SLC26A7: variants seen among roughly 807,000 people sequenced by gnomAD.
The protein encoded by SLC26A7 is anion exchange transporter.
SLC26A7 carries 59 observed loss-of-function variants against 82.5 expected under a neutral mutation model. The ratio of observed to expected loss-of-function variants is 0.72; its 90% CI spans 0.58 to 0.89. The LOEUF is 0.89. Ranked by LOEUF, SLC26A7 falls within the 40% of genes least tolerant of loss-of-function variation. SLC26A7 has a pLI of 0.00. For missense variants in SLC26A7, 820 were observed against 793.0 expected, an observed-to-expected ratio of 1.03 and a Z score of -0.41; for synonymous variants, 271 against 274.3, an observed-to-expected ratio of 0.99 and a Z score of 0.12.
intron 15 of SLC26A7, among the ~76,000 whole-genome samples, chr8:91,381,106 A>G (rs947559253): frequency 6.6e-6 from 1 of 152,116 alleles, no homozygotes; most frequent in Non-Finnish European, 1.5e-5. Flanking sequence ...GAATTATATT[A>G]ATTTCTGCAC....
exon 2 of SLC26A7, chr8:91,218,969 A>G (rs1174472140): frequency 6.4e-7 from 1 of 1,550,812 alleles, no homozygotes; most frequent in Non-Finnish European, 8.7e-7. Flanking sequence ...ACTCAACGTG[A>G]CCCTAACCTC....
chr8:91,390,302 A>G (rs919637726), intron 16 of SLC26A7, among the ~76,000 whole-genome samples: 2 of 152,010 alleles, frequency 1.3e-5, no homozygotes, highest in Admixed American at 1.3e-4. Flanking sequence ...TATTTTTAGT[A>G]GAGACGGGGT....
intron 2 of SLC26A7, among the ~76,000 whole-genome samples, chr8:91,288,595 C>T (rs1811774275): frequency 7.8e-6 from 1 of 127,742 alleles, no homozygotes; most frequent in Non-Finnish European, 1.8e-5. Flanking sequence ...TTGGGAAGCA[C>T]ATGGGTTTAT....
chr8:91,257,411 A>G (rs1378719223), intron 2 of SLC26A7, among the ~76,000 whole-genome samples: 1 of 152,038 alleles, frequency 6.6e-6, no homozygotes, highest in Admixed American at 6.6e-5. Flanking sequence ...GACAGATGCC[A>G]TCTCTAACAT....
intron 2 of SLC26A7, among the ~76,000 whole-genome samples, chr8:91,279,652 C>T (rs546912433): frequency 5.7e-5 from 8 of 140,772 alleles, no homozygotes; most frequent in Admixed American, 1.4e-4. Context: ...CTCCGCCTCC[C>T]GGGTTCACGC....
At chr8:91,346,857 T>TGTCTTTGAGGCTGCCTTTCCCTTC (rs1813577343) in intron 9 of SLC26A7, among the ~76,000 whole-genome samples, 1 of 152,168 alleles carries the variant, frequency 6.6e-6, no homozygotes, top group Non-Finnish European at 1.5e-5. Flanking sequence ...CTGTTCCCTT[T>TGTCTTTGAGGCTGCCTTTCCCTTC]GTCTTTGAGG....
chr8:91,391,775 A>C (rs1814976281), intron 16 of SLC26A7, among the ~76,000 whole-genome samples: 3 of 151,952 alleles, frequency 2.0e-5, no homozygotes, highest in Admixed American at 2.0e-4. Flanking sequence ...CAGGGGGCTC[A>C]AGGATCCTAT....
intron 3 of SLC26A7, among the ~76,000 whole-genome samples, chr8:91,291,556 AG>A (rs1167946443): frequency 2.1e-4 from 32 of 152,360 alleles, no homozygotes; most frequent in African/African-American, 7.2e-4. Context: ...CCAAGATAAA[AG>A]AAAAAGGCAA....
chr8:91,360,198 T>TA (rs1465864779), intron 11 of SLC26A7, among the ~76,000 whole-genome samples: 10 of 152,192 alleles, frequency 6.6e-5, no homozygotes, highest in African/African-American at 1.9e-4. Flanking sequence ...ACAGATAGGC[T>TA]GGGGGAAATG....
chr8:91,212,490 C>A (rs982216029), intron 1 of SLC26A7, among the ~76,000 whole-genome samples: 1 of 152,032 alleles, frequency 6.6e-6, no homozygotes, highest in African/African-American at 2.4e-5. Context: ...TGAGTGAAAA[C>A]GTTCATTTAC....
chr8:91,241,745 T>C lies in SLC26A7; in HGVS notation c.-33-7874T>C, dbSNP rs145334579. On this transcript the variant is annotated intron_variant, in intron 2 of 5. Transcript: ENST00000522862. ...CTTTGTTGCAAGGAAGAGGGAACCC[T>C]AAAAATAATTATAAGCCCTCCATCT... is the stretch of plus-strand genomic sequence containing the variant. Among the ~76,000 whole-genome samples, 378 of 152,262 alleles carry C rather than the reference T, an allele frequency of 2.5e-3. 1 individual carries two copies. Among genetic ancestry groups the C allele is most frequent in the Non-Finnish European group, 3.5e-3 (239 of 67,984 alleles).
At chr8:91,384,185 T>C (rs1814737436) in intron 15 of SLC26A7, among the ~76,000 whole-genome samples, 1 of 152,128 alleles carries the variant, frequency 6.6e-6, no homozygotes, top group South Asian at 2.1e-4. Context: ...CTGCATTCCT[T>C]CTGGAGGGTC....
chr8:91,303,010 T>C (rs1812210623), intron 4 of SLC26A7, among the ~76,000 whole-genome samples: 1 of 152,160 alleles, frequency 6.6e-6, no homozygotes, highest in South Asian at 2.1e-4. Context: ...TTCTACCATC[T>C]ATTTCTAAGG....
At chr8:91,245,662 C>T (rs550045220), upstream of SLC26A7, among the ~76,000 whole-genome samples, 1 of 152,130 alleles carries the variant, frequency 6.6e-6, no homozygotes, top group Non-Finnish European at 1.5e-5. Flanking sequence ...CTTAGGTGTC[C>T]CAATCTCCAC....
In SLC26A7 at chr8:91,279,111, A is replaced by ATGTG. The variant is rs71562209; in HGVS notation, c.194-10013_194-10010dup. On this transcript the variant is annotated intron_variant, in intron 2 of 18. Coordinates refer to ENST00000276609, the MANE Select transcript of SLC26A7 (RefSeq NM_052832.4). ...TTAAGGCTGAACAGTATTTCATAGT[A>ATGTG]TGTGTGTGTGTGTGTATATATATAT... is the stretch of plus-strand genomic sequence containing the variant. Among the ~76,000 whole-genome samples the ATGTG allele has an allele frequency of 4.0e-3, 462 of 114,820 alleles. 1 individual carries two copies. The highest frequency in any genetic ancestry group is 9.9e-3 in the African/African-American group (271 of 27,310). 75.3% of individuals were successfully genotyped at this position (114,820 alleles called of 152,430 possible).
chr8:91,322,848 C>T (rs1379059963), intron 5 of SLC26A7, among the ~76,000 whole-genome samples: 1 of 152,136 alleles, frequency 6.6e-6, no homozygotes. Flanking sequence ...AGTTTCAGAA[C>T]TGGAAAGCAG....
intron 2 of SLC26A7, among the ~76,000 whole-genome samples, chr8:91,259,192 C>A (rs1396292393): frequency 6.6e-6 from 1 of 152,028 alleles, no homozygotes; most frequent in Non-Finnish European, 1.5e-5. Flanking sequence ...TCCTTTCATT[C>A]AAATATAGTC....
intron 4 of SLC26A7, among the ~76,000 whole-genome samples, chr8:91,304,580 T>C (rs775784281): frequency 6.6e-6 from 1 of 152,216 alleles, no homozygotes; most frequent in African/African-American, 2.4e-5. Flanking sequence ...TATAGCAATG[T>C]GAGAACAGAC....
At chr8:91,231,106 A>G (rs1282272855) in intron 2 of SLC26A7, among the ~76,000 whole-genome samples, 1 of 152,158 alleles carries the variant, frequency 6.6e-6, no homozygotes, top group Non-Finnish European at 1.5e-5. Flanking sequence ...GAGATTTGGA[A>G]AGGGGGCCTG....
Sources: gnomAD v4.1 joint callset for allele counts (sites outside exome capture counted in the v4.1 genomes callset) on GRCh38, gnomAD v4.1.1 for gene constraint, MANE v1.5 for transcripts, NCBI Gene and HGNC (gene_info 2026-07-23, HGNC 2026-07-21) for gene names.